Variants in ZNF827 observed in about 807,000 individuals in gnomAD.
ZNF827 encodes the protein zinc finger protein 827.
Under a neutral mutation model 102.4 loss-of-function variants are expected in ZNF827, and 13 were observed. That is an observed-to-expected ratio of 0.13 (90% CI 0.08 to 0.20). The LOEUF is 0.20. Among genes scored for constraint, ZNF827 ranks in the 10% least tolerant of loss-of-function variants. The pLI is 1.00. For synonymous variants in ZNF827, 523 were observed against 536.2 expected (o/e 0.98, Z 0.34); for missense variants, 1,103 against 1,344.4 (o/e 0.82, Z 2.81).
intron 1 of ZNF827, among the ~76,000 whole-genome samples, chr4:145,938,040 T>C (rs1579618254): frequency 1.6e-5 from 2 of 123,656 alleles, no homozygotes; most frequent in African/African-American, 6.2e-5. Context: ...CTCCCTTCTC[T>C]TGCCCCCTCC....
rs1427625266 is a variant in ZNF827 at position 145,933,801 on chromosome 4, C to CA, written c.43+4563dup. The stretch of plus-strand genomic sequence containing the variant: ...TCACCAATGGTGAAAAAAAAAAAAA[C>CA]AAAAAAACAAGAGAACACCCTTCCT... On this transcript the variant is annotated intron_variant, in intron 1 of 14. Coordinates refer to ENST00000508784, the MANE Select transcript of ZNF827 (RefSeq NM_001306215.2). Among the ~76,000 whole-genome samples, 67 of 138,736 alleles carry CA rather than the reference C, an allele frequency of 4.8e-4. 1 individual carries two copies. Among genetic ancestry groups the CA allele is most frequent in the Non-Finnish European group, 9.6e-4 (62 of 64,314 alleles). The allele number at this position is 138,736 out of a possible 152,430, so 91.0% of individuals were successfully genotyped here.
At chr4:145,919,394 A>C (rs564886487) in intron 1 of ZNF827, among the ~76,000 whole-genome samples, 1 of 152,362 alleles carries the variant, frequency 6.6e-6, no homozygotes, top group Non-Finnish European at 1.5e-5. Context: ...GAGAGTTCCC[A>C]AGTCCCACAT....
Position 145,765,404 on chromosome 4 carries a change from T to C in ZNF827, c.3052+143A>G, listed in dbSNP as rs559476102. ...CGGATTCAAATTAAGCCAAAAGAAA[T>C]ACAACCTTTAGGTGAGGCCCAGCAT... On this transcript the variant is annotated intron_variant, in intron 12 of 14. Transcript: ENST00000508784. This position sits in a 1 kb window ranked among gnomAD's most constrained non-coding sequence, Gnocchi z 4.7. 8.9e-7 allele frequency: 1 copy of C among 1,121,774 alleles called. No homozygotes were observed. Among genetic ancestry groups the C allele is most frequent in the Non-Finnish European group, 1.2e-6 (1 of 806,418 alleles). 69.5% of individuals were successfully genotyped at this position (1,121,774 alleles called of 1,614,324 possible).
intron 4 of ZNF827, among the ~76,000 whole-genome samples, chr4:145,872,861 C>A (rs13130894): frequency 6.7e-6 from 1 of 149,926 alleles, no homozygotes. Flanking sequence ...GGTGACGGAG[C>A]GAGATTCTGT....
At chr4:145,932,028 A>G (rs1579600595) in intron 1 of ZNF827, among the ~76,000 whole-genome samples, 1 of 152,162 alleles carries the variant, frequency 6.6e-6, no homozygotes, top group Admixed American at 6.5e-5. Flanking sequence ...GTGCGTTTAT[A>G]AAAGGGGCCC....
At chr4:145,768,858 CAAAAAAAAAAAAAA>C (rs1174930111) in intron 11 of ZNF827, among the ~76,000 whole-genome samples, 3 of 4,532 alleles carry the variant, frequency 6.6e-4, no homozygotes, top group Non-Finnish European at 9.2e-4. Context: ...GACTCCGTCT[CAAAAAAAAAAAAAA>C]AAAAAAAAAA....
chr4:145,814,769 C>CCAA (rs1742412366), intron 8 of ZNF827, among the ~76,000 whole-genome samples: 1 of 74,364 alleles, frequency 1.3e-5, no homozygotes, highest in Admixed American at 1.4e-4. Context: ...ACTAAAAATA[C>CCAA]AAAAAAAAAA....
intron 4 of ZNF827, among the ~76,000 whole-genome samples, chr4:145,874,421 A>C (rs2126775399): frequency 6.6e-6 from 1 of 152,334 alleles, no homozygotes; most frequent in East Asian, 1.9e-4. Flanking sequence ...TTGGGTCTCA[A>C]TAGAAGACGT....
At chr4:145,835,476 A>C (rs1744725458) in intron 7 of ZNF827, among the ~76,000 whole-genome samples, 1 of 150,720 alleles carries the variant, frequency 6.6e-6, no homozygotes, top group African/African-American at 2.5e-5. Flanking sequence ...ACTCCTTTTT[A>C]GTTATCCCCA....
chr4:145,888,973 A>G (rs993595550), intron 3 of ZNF827, among the ~76,000 whole-genome samples: 1 of 152,214 alleles, frequency 6.6e-6, no homozygotes, highest in Non-Finnish European at 1.5e-5. Context: ...AAGTACTATA[A>G]TACAAATGCA....
chr4:145,860,568 C>T (rs1747608298), intron 5 of ZNF827, among the ~76,000 whole-genome samples: 1 of 152,192 alleles, frequency 6.6e-6, no homozygotes, highest in Non-Finnish European at 1.5e-5. Flanking sequence ...AACCTTCCCT[C>T]CTCTCTCCAG....
intron 8 of ZNF827, among the ~76,000 whole-genome samples, chr4:145,789,808 A>C (rs776018460): frequency 2.0e-5 from 3 of 152,176 alleles, no homozygotes; most frequent in Non-Finnish European, 4.4e-5. Context: ...CATAAAGAAG[A>C]AGCATCCATG....
At chr4:145,900,654 C>G (rs1415845394) in intron 2 of ZNF827, among the ~76,000 whole-genome samples, 1 of 152,148 alleles carries the variant, frequency 6.6e-6, no homozygotes, top group Non-Finnish European at 1.5e-5. Context: ...AGGTGACCCA[C>G]CCGCCTTGGC....
chr4:145,807,327 AT>A (rs1553988598), intron 8 of ZNF827, among the ~76,000 whole-genome samples: 1 of 152,186 alleles, frequency 6.6e-6, no homozygotes, highest in Non-Finnish European at 1.5e-5. Context: ...TAAACATTTA[AT>A]TTTTCTTTAT....
At position 145,761,604 on chromosome 4, in the gene ZNF827, G is replaced by A. The variant is rs529353462; in HGVS notation, c.*18-6C>T. The A allele has an allele frequency of 1.0e-4, 127 of 1,248,164 alleles. 1 individual carries two copies. The highest frequency in any genetic ancestry group is 2.9e-4 in the Admixed American group (12 of 41,634). 77.3% of individuals were successfully genotyped at this position (1,248,164 alleles called of 1,614,324 possible). On this transcript the variant is annotated splice_region_variant and splice_polypyrimidine_tract_variant and intron_variant, in intron 14 of 14. Coordinates refer to ENST00000508784, the MANE Select transcript of ZNF827 (RefSeq NM_001306215.2). This position sits in a 1 kb window ranked among gnomAD's most constrained non-coding sequence, Gnocchi z 6.8. ...AATAAATGCAGAATGGGCACCTGCCGGGGAAAGCAACGCAAGGGAGGTTCA... is the reference window on the plus strand; with the variant it reads ...AATAAATGCAGAATGGGCACCTGCCAGGGAAAGCAACGCAAGGGAGGTTCA...
rs563379884 is a variant in ZNF827 at position 145,759,253 on chromosome 4, C to A, written c.*2363G>T. On this transcript the variant is annotated 3_prime_UTR_variant, in exon 15 of 15. Coordinates refer to ENST00000508784, the MANE Select transcript of ZNF827 (RefSeq NM_001306215.2). Reference sequence around the variant, plus strand: ...AATTCTGTTGTTTTAAAAATACAAGCAATGAACATATTCAGCCAAAGATTT... The same window carrying A: ...AATTCTGTTGTTTTAAAAATACAAGAAATGAACATATTCAGCCAAAGATTT... 1 of 152,300 alleles carries A rather than the reference C, an allele frequency of 6.6e-6. No individual in the cohort carries two copies. The highest frequency in any genetic ancestry group is 6.5e-5 in the Admixed American group (1 of 15,304). The allele number at this position is 152,300 out of a possible 1,614,324, so 9.4% of individuals were successfully genotyped here. A position where few individuals can be genotyped will look rare whatever the true frequency, so the allele number is the denominator to read the frequency against.
At chr4:145,849,882 T>C (rs1263866354) in intron 5 of ZNF827, among the ~76,000 whole-genome samples, 1 of 152,244 alleles carries the variant, frequency 6.6e-6, no homozygotes, top group African/African-American at 2.4e-5. Flanking sequence ...CATGTGCCCC[T>C]TCCTCTCTAC....
intron 8 of ZNF827, 32 bp downstream of exon 8, chr4:145,823,390 C>T: frequency 1.3e-6 from 2 of 1,550,508 alleles, no homozygotes; most frequent in South Asian, 2.2e-5. Context: ...AAGCAATCAA[C>T]AGTAGAAGCA....
Position 145,765,313 on chromosome 4 carries a change from C to A in ZNF827, c.3053-148G>T, listed in dbSNP as rs1560888192. 8.8e-6 allele frequency: 9 copies of A among 1,018,346 alleles called. No individual in the cohort carries two copies. The highest frequency in any genetic ancestry group is 4.2e-6 in the Non-Finnish European group (3 of 716,916). 63.1% of individuals were successfully genotyped at this position (1,018,346 alleles called of 1,614,324 possible). A position where few individuals can be genotyped will look rare whatever the true frequency, so the allele number is the denominator to read the frequency against. On this transcript the variant is annotated intron_variant, in intron 12 of 14. Transcript: ENST00000508784. The surrounding 1 kb of genome is among the most constrained non-coding windows in gnomAD (Gnocchi z 4.7). Reference sequence around the variant, plus strand: ...AGGCACTGTTCCCCATATCTCTGTGCTAAAAGGAGTTAAATGTACAAACAT... The same window carrying A: ...AGGCACTGTTCCCCATATCTCTGTGATAAAAGGAGTTAAATGTACAAACAT...
Sources: gnomAD v4.1 joint callset for allele counts (sites outside exome capture counted in the v4.1 genomes callset) on GRCh38, gnomAD v4.1.1 for gene constraint, Gnocchi (gnomAD v3.1) non-coding constraint, MANE v1.5 for transcripts, NCBI Gene and HGNC (gene_info 2026-07-23, HGNC 2026-07-21) for gene names.